The following SCUBE1 variants were observed in gnomAD, a reference collection of about 807,000 sequenced individuals.
SCUBE1 encodes the protein signal peptide, CUB and EGF-like domain-containing protein 1.
SCUBE1 carries 59 observed loss-of-function variants against 124.4 expected under a neutral mutation model. The ratio of observed to expected loss-of-function variants is 0.47; its 90% CI spans 0.38 to 0.59. The LOEUF (loss-of-function observed/expected upper bound fraction) is 0.59. SCUBE1 is among the 20% of genes least tolerant of loss of function. The pLI, the probability that SCUBE1 is intolerant of heterozygous loss-of-function variation, is 0.00. For missense variants in SCUBE1, 1,150 were observed against 1,371.2 expected, an observed-to-expected ratio of 0.84 and a Z score of 2.55; for synonymous variants, 545 against 550.9, an observed-to-expected ratio of 0.99 and a Z score of 0.15.
intron 6 of SCUBE1, among the ~76,000 whole-genome samples, chr22:43,256,996 C>T (rs1923685773): frequency 6.6e-6 from 1 of 152,236 alleles, no homozygotes; most frequent in Non-Finnish European, 1.5e-5. Context: ...GACAGGCAAT[C>T]AGGGACCATC....
At chr22:43,297,177 G>A (rs866775391) in intron 3 of SCUBE1, among the ~76,000 whole-genome samples, 10 of 152,280 alleles carry the variant, frequency 6.6e-5, no homozygotes, top group Admixed American at 1.3e-4. Context: ...CTTTTTCCAC[G>A]CCACCTTGCC....
rs1345357649 is a variant in SCUBE1 at position 43,207,587 on chromosome 22, T to C, written c.2761A>G (p.Ile921Val). ...DEDYQQLIED[I>V]VRDGRLYASE... ...GCGTACAGGCGCCCATCGCGCACGA[T>C]GTCCTCTATGAGTTGCTGGTAGTCC... The change falls in exon 21 of 22, where the codon ATC (isoleucine) becomes GTC (valine). Residue 921 changes from isoleucine to valine, a missense_variant. This residue lies in a region of SCUBE1 where 757 missense variants were observed against 840.9 expected (regional missense o/e 0.90). Coordinates refer to ENST00000360835, the MANE Select transcript of SCUBE1 (RefSeq NM_173050.5). 2 of 1,614,102 alleles carry C rather than the reference T, an allele frequency of 1.2e-6. No homozygotes were observed. Among genetic ancestry groups the C allele is most frequent in the Non-Finnish European group, 1.7e-6 (2 of 1,179,988 alleles).
Position 43,207,488 on chromosome 22 carries a change from C to A in SCUBE1, c.2814+46G>T, listed in dbSNP as rs778425930. On this transcript the variant is annotated intron_variant, in intron 21 of 21. Transcript: ENST00000360835. ...AGGGGCGGTCCTGGCTCATCACAGG[C>A]CCCATCCCAGGGTTACGTGGATTCC... is the stretch of plus-strand genomic sequence containing the variant. The A allele has an allele frequency of 1.0e-5, 15 of 1,457,582 alleles. No individual in the cohort carries two copies. In the South Asian group the frequency reaches 1.4e-4, roughly 13 times the overall value. 90.3% of individuals were successfully genotyped at this position (1,457,582 alleles called of 1,614,324 possible). A position where few individuals can be genotyped will look rare whatever the true frequency, so the allele number is the denominator to read the frequency against.
intron 3 of SCUBE1, among the ~76,000 whole-genome samples, chr22:43,298,606 C>T (rs909193490): frequency 5.3e-5 from 8 of 152,212 alleles, no homozygotes; most frequent in African/African-American, 1.9e-4. Flanking sequence ...TGCCCTGCCG[C>T]CCCCTGCTGT....
intron 6 of SCUBE1, among the ~76,000 whole-genome samples, chr22:43,239,913 C>T (rs1387066638): frequency 4.6e-5 from 7 of 152,192 alleles, no homozygotes; most frequent in Admixed American, 2.0e-4. Context: ...TCTCCCTTAA[C>T]GGTCTCCCTA....
At chr22:43,268,981 G>A (rs1363364217) in intron 4 of SCUBE1, among the ~76,000 whole-genome samples, 1 of 152,114 alleles carries the variant, frequency 6.6e-6, no homozygotes, top group Admixed American at 6.5e-5. Context: ...GGGCTGGATT[G>A]GACACATTTA....
At chr22:43,306,244 G>A (rs1925965147) in intron 3 of SCUBE1, among the ~76,000 whole-genome samples, 1 of 152,170 alleles carries the variant, frequency 6.6e-6, no homozygotes. Flanking sequence ...TCTGGTTTGG[G>A]GGCATATGTT....
intron 4 of SCUBE1, among the ~76,000 whole-genome samples, chr22:43,269,216 C>T (rs909408930): frequency 2.0e-5 from 3 of 152,156 alleles, no homozygotes; most frequent in Middle Eastern, 3.2e-3. Context: ...TCCCCCAGGT[C>T]GCCATCTCCT....
intron 15 of SCUBE1, 30 bp downstream of exon 15, chr22:43,218,225 G>T: frequency 6.2e-7 from 1 of 1,603,538 alleles, no homozygotes; most frequent in Non-Finnish European, 8.5e-7. Context: ...GACAGAGTCA[G>T]CATCTGAGTG....
chr22:43,268,864 G>A (rs768907565), intron 4 of SCUBE1, among the ~76,000 whole-genome samples: 1 of 152,198 alleles, frequency 6.6e-6, no homozygotes, highest in Non-Finnish European at 1.5e-5. Flanking sequence ...TGTGGAATAT[G>A]CCCTGGAGGG....
At chr22:43,229,217 G>GTA (rs768635387) in intron 8 of SCUBE1, 29 bp from the exon 9 acceptor site, 1 of 1,498,234 alleles carries the variant, frequency 6.7e-7, no homozygotes, top group Admixed American at 1.7e-5. Context: ...ACAAAGTTGG[G>GTA]GGAGGAGTTT....
chr22:43,276,367 G>A lies in SCUBE1; in HGVS notation c.485-13522C>T, dbSNP rs570036055. On this transcript the variant is annotated intron_variant, in intron 4 of 21. Coordinates refer to ENST00000360835, the MANE Select transcript of SCUBE1 (RefSeq NM_173050.5). ...AGAAGTCCCATGGGACGTACATGCT[G>A]AAAGAGTCTGGTGACATAATCAAGC... is the stretch of plus-strand genomic sequence containing the variant. Among the ~76,000 whole-genome samples the A allele has an allele frequency of 4.6e-5, 7 of 152,304 alleles. No homozygotes were observed. The South Asian group carries it at 1.4e-3, about 32-fold the overall frequency.
At chr22:43,289,011 G>T (rs1258582196) in intron 4 of SCUBE1, among the ~76,000 whole-genome samples, 1 of 152,228 alleles carries the variant, frequency 6.6e-6, no homozygotes, top group Non-Finnish European at 1.5e-5. Context: ...TGTGGCTGCG[G>T]GTGTGATCTG....
chr22:43,209,898 G>A (rs1921466462), intron 19 of SCUBE1, 145 bp downstream of exon 19: 1 of 799,926 alleles, frequency 1.3e-6, no homozygotes, highest in South Asian at 2.0e-5. Context: ...TGCCTCCCAG[G>A]TGGACTCTGA....
At position 43,218,344 on chromosome 22, in the gene SCUBE1, G is replaced by C; in HGVS notation, c.1802C>G (p.Thr601Ser). The change falls in exon 15 of 22, where the codon ACT (threonine) becomes AGT (serine). Residue 601 changes from threonine (T) to serine (S), a missense_variant. By Grantham distance (58) the Thr-to-Ser change is moderately conservative (BLOSUM62 1). Transcript: ENST00000360835. ...TGGCCTCTGGGCTACCTCGTACTCA[G>C]TGCCTGAGACCTGGACATAGAACTG... ...RQQFYVQVSG[T>S]EYEVAQRPAK... The C allele has an allele frequency of 6.2e-7, 1 of 1,613,474 alleles. No individual in the cohort carries two copies. The highest frequency in any genetic ancestry group is 8.5e-7 in the Non-Finnish European group (1 of 1,180,034).
Position 43,198,281 on chromosome 22 carries a change from G to A in SCUBE1, c.*5716C>T, listed in dbSNP as rs1266794253. ...CAGACAATTCCAGGGGGCTCACTCA[G>A]GGGCTCTGAGTGGCATGGTGCAGCA... is the stretch of plus-strand genomic sequence containing the variant. On this transcript the variant is annotated 3_prime_UTR_variant, in exon 22 of 22. Transcript: ENST00000360835. 9.6e-6 allele frequency: 3 copies of A among 312,410 alleles called. No individual in the cohort carries two copies. In the East Asian group the frequency reaches 2.6e-4, roughly 27 times the overall value. The allele number at this position is 312,410 out of a possible 1,614,324, so 19.4% of individuals were successfully genotyped here.
intron 1 of SCUBE1, among the ~76,000 whole-genome samples, chr22:43,340,640 G>A (rs1461533880): frequency 2.0e-5 from 3 of 152,096 alleles, no homozygotes; most frequent in Non-Finnish European, 4.4e-5. Context: ...AGGAAATGAG[G>A]CCCAGTGAGG....
chr22:43,233,849 A>G (rs527876161), intron 7 of SCUBE1, among the ~76,000 whole-genome samples: 101 of 152,180 alleles, frequency 6.6e-4, no homozygotes, highest in Admixed American at 6.5e-3. Context: ...CTGGTCAAGA[A>G]TATTAGAGGA....
chr22:43,278,744 C>T (rs938713911), intron 4 of SCUBE1, among the ~76,000 whole-genome samples: 2 of 152,344 alleles, frequency 1.3e-5, no homozygotes, highest in African/African-American at 4.8e-5. Flanking sequence ...GTCCTGCCCC[C>T]CCAGTGCAGC....
Sources: allele counts gnomAD v4.1 joint callset (sites outside exome capture counted in the v4.1 genomes callset), GRCh38; gene constraint gnomAD v4.1.1; regional missense constraint gnomAD v4.1.1; transcripts MANE v1.5; gene names NCBI Gene and HGNC (gene_info 2026-07-23, HGNC 2026-07-21).